Variants in WWOX observed in about 807,000 individuals in gnomAD.
WWOX encodes the protein WW domain containing oxidoreductase.
WWOX carries 69 observed loss-of-function variants against 46.2 expected under a neutral mutation model. That is an observed-to-expected ratio of 1.49 (90% CI 1.23 to 1.82). The LOEUF (loss-of-function observed/expected upper bound fraction) is 1.82. Among genes scored for constraint, WWOX ranks in the 40% most tolerant of loss-of-function variants. WWOX has a pLI of 0.00. For synonymous variants in WWOX, 359 were observed against 202.6 expected (o/e 1.77, Z -6.56); for missense variants, 919 against 542.6 (o/e 1.69, Z -6.89).
intron 8 of WWOX, among the ~76,000 whole-genome samples, chr16:78,585,639 G>A (rs538172095): frequency 7.0e-4 from 106 of 150,830 alleles, no homozygotes; most frequent in Middle Eastern, 6.9e-3. Context: ...CAATCCGTTT[G>A]TTGTTGCTGT....
At position 78,134,037 on chromosome 16, in the gene WWOX, T is replaced by G. The variant is rs1802291043; in HGVS notation, c.409+18883T>G. The stretch of plus-strand genomic sequence containing the variant: ...TACCTAGACTGTTTCCTTAAAGAAT[T>G]GCTTTTGTATGGTACGGCTCTATGT... On this transcript the variant is annotated intron_variant, in intron 4 of 8. Coordinates refer to ENST00000566780, the MANE Select transcript of WWOX (RefSeq NM_016373.4). Among the ~76,000 whole-genome samples, 6 of 152,348 alleles carry G rather than the reference T, an allele frequency of 3.9e-5. No homozygotes were observed. In the South Asian group the frequency reaches 8.3e-4, roughly 21 times the overall value.
At chr16:79,027,380 T>C (rs909305503) in intron 8 of WWOX, among the ~76,000 whole-genome samples, 5 of 151,752 alleles carry the variant, frequency 3.3e-5, no homozygotes, top group Non-Finnish European at 5.9e-5. Flanking sequence ...TTCATTGTTA[T>C]TATAATTACT....
chr16:79,047,031 A>G (rs995043764), intron 8 of WWOX, among the ~76,000 whole-genome samples: 6 of 152,248 alleles, frequency 3.9e-5, no homozygotes, highest in Admixed American at 3.9e-4. Context: ...AGAAATTTGC[A>G]AAGCCATTTA....
intron 8 of WWOX, among the ~76,000 whole-genome samples, chr16:78,578,285 T>TATATATATATA (rs10638175): frequency 3.3e-3 from 43 of 12,918 alleles, no homozygotes; most frequent in Admixed American, 5.1e-3. Context: ...TATATATATA[T>TATATATATATA]TTTTTTTTTT....
intron 5 of WWOX, among the ~76,000 whole-genome samples, chr16:78,240,693 A>G (rs1481626227): frequency 6.6e-6 from 1 of 152,194 alleles, no homozygotes; most frequent in African/African-American, 2.4e-5. Context: ...CTGTCATTCC[A>G]GAGCAGCCGT....
intron 8 of WWOX, among the ~76,000 whole-genome samples, chr16:78,719,285 A>G (rs541687065): frequency 1.7e-3 from 264 of 152,310 alleles, no homozygotes; most frequent in Non-Finnish European, 2.5e-3. Flanking sequence ...CTGAAGGGTT[A>G]TTCTGGGGAG....
At chr16:78,174,801 A>G (rs768075715) in intron 5 of WWOX, among the ~76,000 whole-genome samples, 98 of 152,212 alleles carry the variant, frequency 6.4e-4, no homozygotes, top group Middle Eastern at 3.4e-3. Flanking sequence ...CAGCCTGGGC[A>G]ATACGGTGAA....
chr16:78,221,740 A>T (rs2036894972), intron 5 of WWOX, among the ~76,000 whole-genome samples: 1 of 152,162 alleles, frequency 6.6e-6, no homozygotes, highest in Non-Finnish European at 1.5e-5. Context: ...GTGATGTGTG[A>T]TTATTACCAT....
chr16:78,740,964 A>G (rs1325112244), intron 8 of WWOX, among the ~76,000 whole-genome samples: 1 of 152,214 alleles, frequency 6.6e-6, no homozygotes, highest in Non-Finnish European at 1.5e-5. Flanking sequence ...AGAACTGTGC[A>G]AATACAAGCC....
chr16:78,526,811 A>C (rs1156429824), intron 8 of WWOX, among the ~76,000 whole-genome samples: 1 of 152,086 alleles, frequency 6.6e-6, no homozygotes, highest in Non-Finnish European at 1.5e-5. Flanking sequence ...TGAGGGTGGC[A>C]GTGATCTTGA....
chr16:78,726,369 G>A (rs911380462), intron 8 of WWOX, among the ~76,000 whole-genome samples: 17 of 151,994 alleles, frequency 1.1e-4, no homozygotes, highest in Middle Eastern at 3.4e-3. Flanking sequence ...GGGACCACAG[G>A]TATGCACCAC....
chr16:78,726,805 A>G (rs2048847271), intron 8 of WWOX, among the ~76,000 whole-genome samples: 1 of 152,004 alleles, frequency 6.6e-6, no homozygotes, highest in South Asian at 2.1e-4. Flanking sequence ...GAGGTAGTCC[A>G]GAATAGTTCT....
intron 8 of WWOX, among the ~76,000 whole-genome samples, chr16:78,790,695 A>G (rs776573801): frequency 3.9e-5 from 6 of 152,086 alleles, no homozygotes; most frequent in African/African-American, 7.2e-5. Context: ...TCAAAACAAG[A>G]CTGTGGTTTA....
At chr16:78,623,677 A>G (rs977062150) in intron 8 of WWOX, among the ~76,000 whole-genome samples, 1 of 150,710 alleles carries the variant, frequency 6.6e-6, no homozygotes, top group Non-Finnish European at 1.5e-5. Flanking sequence ...CCATGATGTT[A>G]TTAGCTGAGT....
At chr16:78,465,547 T>C (rs1597123418) in intron 8 of WWOX, among the ~76,000 whole-genome samples, 1 of 152,226 alleles carries the variant, frequency 6.6e-6, no homozygotes, top group African/African-American at 2.4e-5. Flanking sequence ...TTGGGCAATG[T>C]CCCTGAATGA....
At chr16:78,602,724 G>A (rs1220303672) in intron 8 of WWOX, among the ~76,000 whole-genome samples, 2 of 152,126 alleles carry the variant, frequency 1.3e-5, no homozygotes, top group African/African-American at 2.4e-5. Flanking sequence ...TTTCTTTAAC[G>A]ATCCATTTAC....
At chr16:79,100,528 C>G (rs189187356) in intron 8 of WWOX, among the ~76,000 whole-genome samples, 2 of 152,144 alleles carry the variant, frequency 1.3e-5, no homozygotes, top group African/African-American at 2.4e-5. Flanking sequence ...CTGAATACCC[C>G]GTTAGTTCCA....
At chr16:78,917,381 C>T (rs1376592434) in intron 8 of WWOX, among the ~76,000 whole-genome samples, 5 of 152,146 alleles carry the variant, frequency 3.3e-5, no homozygotes, top group Admixed American at 2.6e-4. Flanking sequence ...CTTATAATTC[C>T]TGTTGCAGCC....
intron 8 of WWOX, among the ~76,000 whole-genome samples, chr16:78,622,256 C>T (rs1052476920): frequency 6.6e-6 from 1 of 152,044 alleles, no homozygotes; most frequent in South Asian, 2.1e-4. Flanking sequence ...AAAGTGAACC[C>T]TTGTGGCTGG....
Sources: gnomAD v4.1 joint callset for allele counts (sites outside exome capture counted in the v4.1 genomes callset) on GRCh38, gnomAD v4.1.1 for gene constraint, MANE v1.5 for transcripts, NCBI Gene and HGNC (gene_info 2026-07-23, HGNC 2026-07-21) for gene names.